LARS2: variants seen among roughly 807,000 people sequenced by gnomAD.
The protein encoded by LARS2 is leucyl-tRNA synthetase 2, mitochondrial.
Under a neutral mutation model 116.6 loss-of-function variants are expected in LARS2, and 81 were observed. The ratio of observed to expected loss-of-function variants is 0.69; its 90% CI spans 0.58 to 0.84. The LOEUF (loss-of-function observed/expected upper bound fraction) is 0.84. LARS2 is among the 40% of genes least tolerant of loss of function. The pLI is 0.00. For synonymous variants in LARS2, 396 were observed against 407.2 expected (o/e 0.97, Z 0.33); for missense variants, 968 against 1,114.5 (o/e 0.87, Z 1.87).
At chr3:45,529,164 C>T (rs1367657880) in intron 20 of LARS2, among the ~76,000 whole-genome samples, 2 of 152,140 alleles carry the variant, frequency 1.3e-5, no homozygotes, top group East Asian at 1.9e-4. Context: ...TCACCGCGCC[C>T]GGCCTACAAC....
At chr3:45,515,063 G>A (rs1049767480) in intron 16 of LARS2, among the ~76,000 whole-genome samples, 15 of 152,148 alleles carry the variant, frequency 9.9e-5, no homozygotes, top group African/African-American at 3.6e-4. Context: ...CTGTTAGCTT[G>A]GTTGCTGTTG....
intron 4 of LARS2, among the ~76,000 whole-genome samples, chr3:45,414,984 C>A (rs190340410): frequency 6.6e-6 from 1 of 152,264 alleles, no homozygotes; most frequent in East Asian, 1.9e-4. Context: ...GGGCAGGGAG[C>A]CTGGCTTCCT....
rs1700803710 is a variant in LARS2 at position 45,541,900 on chromosome 3, C to A, written c.2476C>A (p.Pro826Thr). 2 of 1,614,244 alleles carry A rather than the reference C, an allele frequency of 1.2e-6. No homozygotes were observed. The highest frequency in any genetic ancestry group is 1.3e-5 in the African/African-American group (1 of 75,078). ...TGCCAGTGTGCTGCTCCAGGCATGGCCTGCTGTGGACCCGGAGTTCCTGCA... is the reference window on the plus strand; with the variant it reads ...TGCCAGTGTGCTGCTCCAGGCATGGACTGCTGTGGACCCGGAGTTCCTGCA... The part of the protein sequence containing the change: ...WDASVLLQAW[P>T]AVDPEFLQQP... Residue 826 changes from proline to threonine, a missense_variant, in exon 21 of 22, where the codon CCT becomes ACT. By Grantham distance (38) the Pro-to-Thr change is conservative. Coordinates refer to ENST00000645846, the MANE Select transcript of LARS2 (RefSeq NM_015340.4).
chr3:45,545,830 A>G (rs1235030168), intron 21 of LARS2, among the ~76,000 whole-genome samples: 1 of 102,872 alleles, frequency 9.7e-6, no homozygotes, highest in Non-Finnish European at 2.2e-5. Context: ...CCATGCGTCA[A>G]AGAGGACATC....
intron 8 of LARS2, among the ~76,000 whole-genome samples, chr3:45,467,670 T>G (rs1015804527): frequency 6.6e-6 from 1 of 152,202 alleles, no homozygotes; most frequent in Non-Finnish European, 1.5e-5. Context: ...ATGTATGTCT[T>G]AGAGTGAATA....
At chr3:45,403,522 G>A (rs1698188312) in intron 4 of LARS2, among the ~76,000 whole-genome samples, 1 of 152,096 alleles carries the variant, frequency 6.6e-6, no homozygotes, top group South Asian at 2.1e-4. Context: ...CACCATGTTG[G>A]TCAGGCTGGT....
At chr3:45,541,741 G>T in intron 20 of LARS2, 88 bp from the exon 21 acceptor site, 1 of 1,522,352 alleles carries the variant, frequency 6.6e-7, no homozygotes, top group Non-Finnish European at 8.9e-7. Flanking sequence ...TCCAAGCCAG[G>T]CTGTGTTGGG....
intron 4 of LARS2, among the ~76,000 whole-genome samples, chr3:45,408,045 C>T (rs1559458481): frequency 6.6e-6 from 1 of 152,212 alleles, no homozygotes; most frequent in South Asian, 2.1e-4. Flanking sequence ...CTGTAGTCCC[C>T]TTTGGGCACC....
intron 16 of LARS2, among the ~76,000 whole-genome samples, chr3:45,514,762 T>C (rs893169408): frequency 3.9e-5 from 6 of 152,222 alleles, no homozygotes; most frequent in African/African-American, 1.2e-4. Context: ...AAAGATACAT[T>C]TTTTCCTAAT....
At chr3:45,437,135 T>G (rs1698822053) in intron 6 of LARS2, among the ~76,000 whole-genome samples, 1 of 152,208 alleles carries the variant, frequency 6.6e-6, no homozygotes, top group Non-Finnish European at 1.5e-5. Flanking sequence ...CTAAGTTGGC[T>G]TCAAGAGCAC....
intron 16 of LARS2, among the ~76,000 whole-genome samples, chr3:45,514,818 A>G (rs987029584): frequency 1.3e-5 from 2 of 152,242 alleles, no homozygotes; most frequent in Non-Finnish European, 2.9e-5. Context: ...GGGGCAGGGT[A>G]AAGGGGCCAG....
intron 4 of LARS2, among the ~76,000 whole-genome samples, chr3:45,403,660 G>T (rs1288136319): frequency 6.6e-6 from 1 of 152,144 alleles, no homozygotes; most frequent in Admixed American, 6.5e-5. Flanking sequence ...TTGTAGGTGG[G>T]ATTCTAATTT....
chr3:45,504,832 C>T (rs1383382245), intron 15 of LARS2, among the ~76,000 whole-genome samples: 1 of 151,214 alleles, frequency 6.6e-6, no homozygotes, highest in African/African-American at 2.4e-5. Context: ...GTAATCCCAG[C>T]ACTTTGGGAG....
Position 45,476,517 on chromosome 3 carries a change from C to T in LARS2, c.908C>T (p.Pro303Leu). The T allele has an allele frequency of 1.9e-6, 3 of 1,614,200 alleles. No homozygotes were observed. The highest frequency in any genetic ancestry group is 2.5e-6 in the Non-Finnish European group (3 of 1,180,004). Residue 303 changes from proline to leucine, a missense_variant, in exon 10 of 22, where the codon CCT becomes CTT. Physicochemically the swap from Pro to Leu is moderately conservative, Grantham distance 98 (BLOSUM62 -3). Coordinates refer to ENST00000645846, the MANE Select transcript of LARS2 (RefSeq NM_015340.4). ...AAGCTGACTGCCTATACGGCCACCC[C>T]TGAAGCCATTTATGGCACCTCCCAC... ...GEKLTAYTAT[P>L]EAIYGTSHVA...
chr3:45,492,299 G>A (rs1489963971), intron 13 of LARS2, among the ~76,000 whole-genome samples: 1 of 152,106 alleles, frequency 6.6e-6, no homozygotes, highest in African/African-American at 2.4e-5. Context: ...AAGCACCATG[G>A]TTCCTTTCTC....
intron 16 of LARS2, among the ~76,000 whole-genome samples, chr3:45,514,666 T>C (rs1559493981): frequency 6.6e-6 from 1 of 152,226 alleles, no homozygotes; most frequent in African/African-American, 2.4e-5. Context: ...GGGCCTGAAA[T>C]GCAGCCGTTT....
At chr3:45,528,286 A>G (rs993754999) in intron 20 of LARS2, among the ~76,000 whole-genome samples, 5 of 152,316 alleles carry the variant, frequency 3.3e-5, no homozygotes, top group South Asian at 4.1e-4. Flanking sequence ...GCAGTGAGCC[A>G]TAATCATGCC....
chr3:45,393,004 T>C (rs771346308), intron 2 of LARS2, among the ~76,000 whole-genome samples: 14 of 152,202 alleles, frequency 9.2e-5, no homozygotes, highest in Non-Finnish European at 1.8e-4. Flanking sequence ...ATCTTAAATA[T>C]TTGATAAAAA....
chr3:45,489,070 C>G (rs950226409), intron 12 of LARS2, among the ~76,000 whole-genome samples: 3 of 152,168 alleles, frequency 2.0e-5, no homozygotes, highest in Admixed American at 6.5e-5. Context: ...GAAAAATTAT[C>G]TTTTCTAAGG....
Sources: gnomAD v4.1 joint callset for allele counts (sites outside exome capture counted in the v4.1 genomes callset) on GRCh38, gnomAD v4.1.1 for gene constraint, MANE v1.5 for transcripts, NCBI Gene and HGNC (gene_info 2026-07-23, HGNC 2026-07-21) for gene names.